GPHN: variants seen among roughly 807,000 people sequenced by gnomAD.
GPHN encodes gephyrin.
A neutral mutation model predicts 95.5 loss-of-function variants in GPHN; 17 were observed. That is an observed-to-expected ratio of 0.18 (90% confidence interval 0.12 to 0.27). The LOEUF (loss-of-function observed/expected upper bound fraction) is 0.27, where lower values mean the gene tolerates loss of function less well. Ranked by LOEUF, GPHN falls within the 10% of genes least tolerant of loss-of-function variation. The pLI is 1.00. For missense variants in GPHN, 660 were observed against 978.1 expected (o/e 0.67, Z 4.34); for synonymous variants, 320 against 322.5 (o/e 0.99, Z 0.08).
At chr14:67,147,810 A>G (rs1168316285) in intron 18 of GPHN, among the ~76,000 whole-genome samples, 1 of 152,206 alleles carries the variant, frequency 6.6e-6, no homozygotes, top group East Asian at 1.9e-4. Flanking sequence ...TATTAATAAC[A>G]GTTTACCTAT....
At chr14:66,597,137 C>T (rs1365030797) in intron 1 of GPHN, among the ~76,000 whole-genome samples, 2 of 152,252 alleles carry the variant, frequency 1.3e-5, no homozygotes, top group South Asian at 2.1e-4. Flanking sequence ...GAGCCATCAG[C>T]CAAGTTTCCA....
At chr14:66,620,076 T>C (rs1313290373) in intron 1 of GPHN, among the ~76,000 whole-genome samples, 1 of 152,084 alleles carries the variant, frequency 6.6e-6, no homozygotes, top group Non-Finnish European at 1.5e-5. Flanking sequence ...AATGAATGTT[T>C]AGAGGTTAGG....
In GPHN at chr14:66,649,207, G is replaced by A. The variant is rs113842805; in HGVS notation, c.65-31900G>A. ...AAATTAGCAGGGCGTGGTGGCGTGC[G>A]CCTGTAGTCCCAGCTACTCGGGAGG... On this transcript the variant is annotated intron_variant, in intron 1 of 22. Transcript: ENST00000478722. Among the ~76,000 whole-genome samples the A allele has an allele frequency of 6.3e-3, 959 of 152,154 alleles. 8 individuals carry two copies. Among genetic ancestry groups the A allele is most frequent in the Non-Finnish European group, 9.4e-3 (638 of 67,988 alleles).
intron 3 of GPHN, among the ~76,000 whole-genome samples, chr14:66,797,610 T>G (rs1268443103): frequency 6.6e-6 from 1 of 151,944 alleles, no homozygotes; most frequent in Non-Finnish European, 1.5e-5. Flanking sequence ...TGGGGTTATT[T>G]TTATTTATTT....
chr14:67,591,329 A>G, the GPHN span, among the ~76,000 whole-genome samples: 1 of 152,232 alleles, frequency 6.6e-6, no homozygotes, highest in African/African-American at 2.4e-5. Context: ...AAAGTTGTCC[A>G]ATCTCTGGAG....
chr14:66,726,991 C>T (rs1428938563), intron 2 of GPHN, among the ~76,000 whole-genome samples: 4 of 152,286 alleles, frequency 2.6e-5, no homozygotes, highest in East Asian at 3.9e-4. Flanking sequence ...CCTCAAATCT[C>T]ATCTTGAATT....
chr14:66,578,648 T>A (rs1595058048), intron 1 of GPHN, among the ~76,000 whole-genome samples: 1 of 84,284 alleles, frequency 1.2e-5, no homozygotes, highest in Non-Finnish European at 2.0e-5. Flanking sequence ...AGGTCAGGGA[T>A]AGAGTGAAAA....
intron 16 of GPHN, among the ~76,000 whole-genome samples, chr14:67,114,723 A>G (rs138997888): frequency 8.9e-4 from 136 of 152,256 alleles, no homozygotes; most frequent in Non-Finnish European, 1.2e-3. Flanking sequence ...ACACACTCAT[A>G]ATAACTATTT....
At chr14:67,332,577 A>T in the GPHN span, among the ~76,000 whole-genome samples, 2 of 152,196 alleles carry the variant, frequency 1.3e-5, no homozygotes, top group African/African-American at 4.8e-5. Flanking sequence ...TGAGTCCCAG[A>T]TGGTTCATAA....
the GPHN span, among the ~76,000 whole-genome samples, chr14:67,693,394 G>T: frequency 6.6e-6 from 1 of 152,086 alleles, no homozygotes; most frequent in Non-Finnish European, 1.5e-5. Flanking sequence ...CCCAGAAGAA[G>T]AAATAACTAG....
chr14:66,920,775 A>G (rs2066176889), intron 6 of GPHN, among the ~76,000 whole-genome samples: 2 of 151,662 alleles, frequency 1.3e-5, no homozygotes, highest in African/African-American at 4.9e-5. Flanking sequence ...TAAGTCCCCA[A>G]AGTTCATTGT....
At chr14:67,528,930 G>A in the GPHN span, among the ~76,000 whole-genome samples, 1 of 152,106 alleles carries the variant, frequency 6.6e-6, no homozygotes, top group Admixed American at 6.6e-5. Flanking sequence ...TTTAAGACAT[G>A]AGGTTAGATT....
chr14:67,113,876 TC>T (rs1487281443), intron 16 of GPHN, among the ~76,000 whole-genome samples: 1 of 152,186 alleles, frequency 6.6e-6, no homozygotes, highest in Non-Finnish European at 1.5e-5. Context: ...AAAAAGTGAA[TC>T]TGCTGGAAAC....
intron 2 of GPHN, among the ~76,000 whole-genome samples, chr14:66,687,689 A>G (rs1157418624): frequency 6.6e-6 from 1 of 151,856 alleles, no homozygotes; most frequent in African/African-American, 2.4e-5. Context: ...GGGTTTCTCC[A>G]TGTTGTTCAG....
the GPHN span, among the ~76,000 whole-genome samples, chr14:67,210,101 C>T: frequency 6.6e-6 from 1 of 152,174 alleles, no homozygotes. Flanking sequence ...GTTTGTATTC[C>T]TTTACTTATG....
At chr14:67,713,399 A>T in the GPHN span, among the ~76,000 whole-genome samples, 9 of 3,378 alleles carry the variant, frequency 2.7e-3, no homozygotes, top group African/African-American at 5.7e-3. Context: ...TAAAACTCCA[A>T]AAAAAAAAAA....
the GPHN span, chr14:67,693,017 A>G: frequency 6.2e-7 from 1 of 1,614,128 alleles, no homozygotes; most frequent in East Asian, 2.2e-5. Context: ...AGGAAGCTGA[A>G]CAGTTGATGT....
At chr14:67,358,351 G>C in the GPHN span, among the ~76,000 whole-genome samples, 1 of 152,180 alleles carries the variant, frequency 6.6e-6, no homozygotes, top group African/African-American at 2.4e-5. Context: ...ATTTCATTAA[G>C]AGCTATTTAG....
chr14:66,755,168 G>A (rs973323012), intron 2 of GPHN, among the ~76,000 whole-genome samples: 3 of 151,942 alleles, frequency 2.0e-5, no homozygotes, highest in African/African-American at 7.2e-5. Context: ...AGAGAGTATC[G>A]GTTATATAGA....
Sources: gnomAD v4.1 joint callset for allele counts (sites outside exome capture counted in the v4.1 genomes callset) on GRCh38, gnomAD v4.1.1 for gene constraint, MANE v1.5 for transcripts, NCBI Gene and HGNC (gene_info 2026-07-23, HGNC 2026-07-21) for gene names.